NRXN2: variants seen among roughly 807,000 people sequenced by gnomAD.
The protein encoded by NRXN2 is neurexin 2.
NRXN2 carries 29 observed loss-of-function variants against 128.8 expected under a neutral mutation model. The ratio of observed to expected loss-of-function variants is 0.23; its 90% CI spans 0.17 to 0.31. NRXN2 has a LOEUF of 0.31. NRXN2 is among the 10% of genes least tolerant of loss of function. The pLI, the probability that NRXN2 is intolerant of heterozygous loss-of-function variation, is 1.00. For synonymous variants in NRXN2, 1,098 were observed against 1,075.2 expected (o/e 1.02, Z -0.41); for missense variants, 1,881 against 2,452.6 (o/e 0.77, Z 4.92).
intron 4 of NRXN2, 46 bp downstream of exon 4, chr11:64,692,801 G>T (rs1231093562): frequency 1.2e-6 from 2 of 1,612,570 alleles, no homozygotes; most frequent in African/African-American, 2.7e-5. Context: ...CCAGGCGCAG[G>T]TTGGGGGCAA....
At chr11:64,688,449 G>T in intron 5 of NRXN2, 1 of 985,480 alleles carries the variant, frequency 1.0e-6, no homozygotes, top group Non-Finnish European at 1.2e-6. Flanking sequence ...CTGAGTAGGG[G>T]AGGTCGGAGC....
chr11:64,653,461 T>C (rs2047777432), intron 12 of NRXN2, among the ~76,000 whole-genome samples: 1 of 152,062 alleles, frequency 6.6e-6, no homozygotes, highest in South Asian at 2.1e-4. Flanking sequence ...CCAGTGAACA[T>C]CCTGACTGCA....
At chr11:64,715,595 G>A (rs1276283688) in intron 1 of NRXN2, among the ~76,000 whole-genome samples, 1 of 152,146 alleles carries the variant, frequency 6.6e-6, no homozygotes, top group Non-Finnish European at 1.5e-5. Context: ...TCAGAAGGTA[G>A]TCGGGAGCGT....
Position 64,651,741 on chromosome 11 carries a change from A to G in NRXN2, c.2537-105T>C. 1 of 1,281,158 alleles carries G rather than the reference A, an allele frequency of 7.8e-7. No homozygotes were observed. Among genetic ancestry groups the G allele is most frequent in the Non-Finnish European group, 1.1e-6 (1 of 905,630 alleles). The allele number at this position is 1,281,158 out of a possible 1,614,324, so 79.4% of individuals were successfully genotyped here. ...CACAGGAGGGCCACCCATGAGTGAC[A>G]TCTTTAGAGATGTCCTCGGCTAGGC... On this transcript the variant is annotated intron_variant, in intron 13 of 22. Transcript: ENST00000265459. This position sits in a 1 kb window ranked among gnomAD's most constrained non-coding sequence, Gnocchi z 5.9.
At chr11:64,636,773 GAGCAGGCCTTGCC>G (rs1399475565) in intron 17 of NRXN2, among the ~76,000 whole-genome samples, 1 of 152,096 alleles carries the variant, frequency 6.6e-6, no homozygotes, top group Non-Finnish European at 1.5e-5. Context: ...CACTTCTAAG[GAGCAGGCCTTGCC>G]AGCAGCCAAG....
At chr11:64,704,617 CACACACAGAGAGAG>C (rs1455945584) in intron 2 of NRXN2, among the ~76,000 whole-genome samples, 1 of 110,418 alleles carries the variant, frequency 9.1e-6, no homozygotes, top group East Asian at 3.5e-4. Flanking sequence ...CACACACACA[CACACACAGAGAGAG>C]AGAGAGAGAG....
intron 22 of NRXN2, among the ~76,000 whole-genome samples, chr11:64,610,935 C>T (rs918180089): frequency 1.3e-5 from 2 of 152,218 alleles, no homozygotes; most frequent in Non-Finnish European, 2.9e-5. Flanking sequence ...GAACACCCTT[C>T]CCTGCTGACA....
At chr11:64,662,245 G>A (rs1350342856) in intron 9 of NRXN2, among the ~76,000 whole-genome samples, 1 of 151,496 alleles carries the variant, frequency 6.6e-6, no homozygotes, top group Non-Finnish European at 1.5e-5. Context: ...GAGACACAGC[G>A]AGACTCCATC....
At position 64,685,960 on chromosome 11, in the gene NRXN2, G is replaced by T. The variant is rs759305643; in HGVS notation, c.851-13C>A. ...AACTCCTCCTTGCCTGGATGCCGTG[G>T]TGTGGGGAAACGGGAGAAGGCTGAA... On this transcript the variant is annotated splice_polypyrimidine_tract_variant and intron_variant, in intron 5 of 22. Transcript: ENST00000265459. The T allele has an allele frequency of 1.2e-6, 2 of 1,614,168 alleles. No homozygotes were observed. The highest frequency in any genetic ancestry group is 1.7e-6 in the Non-Finnish European group (2 of 1,180,024).
chr11:64,647,206 G>A (rs1007625862), intron 17 of NRXN2, among the ~76,000 whole-genome samples: 38 of 129,970 alleles, frequency 2.9e-4, no homozygotes, highest in Middle Eastern at 3.6e-3. Context: ...GAGACGCTTC[G>A]TTGTGTGTGT....
intron 6 of NRXN2, among the ~76,000 whole-genome samples, chr11:64,685,181 C>CT (rs1171169492): frequency 6.6e-6 from 1 of 152,158 alleles, no homozygotes; most frequent in Non-Finnish European, 1.5e-5. Context: ...TCGTGCCTTG[C>CT]TGCCCTAGTG....
chr11:64,636,378 G>A (rs879670972), intron 17 of NRXN2, among the ~76,000 whole-genome samples: 12 of 145,692 alleles, frequency 8.2e-5, no homozygotes, highest in African/African-American at 1.0e-4. Context: ...TCCCTCCTGC[G>A]GCTGACTGAG....
chr11:64,616,058 C>T (rs766406099), intron 22 of NRXN2, among the ~76,000 whole-genome samples: 21 of 152,020 alleles, frequency 1.4e-4, no homozygotes, highest in Non-Finnish European at 2.8e-4. Context: ...TCTATAGGGG[C>T]GGGCTTGGTG....
chr11:64,653,869 GCCCT>G (rs1243013133), intron 11 of NRXN2, 147 bp from the exon 12 acceptor site: 2 of 629,456 alleles, frequency 3.2e-6, no homozygotes, highest in Non-Finnish European at 5.6e-6. Flanking sequence ...GTGCCCAGGT[GCCCT>G]CTTCCCTTCC....
chr11:64,622,880 C>T lies in NRXN2; in HGVS notation c.4046G>A (p.Ser1349Asn), dbSNP rs552728515. ...LVGEGPSVLL[S>N]AETTATTLLA... ...CAGGGTGGTGGCCGTGGTCTCCGCA[C>T]TGAGCAGCACGGACGGCCCCTCCCC... The change falls in exon 21 of 23, where the codon AGT (serine) becomes AAT (asparagine). Residue 1349 changes from serine (S) to asparagine (N), a missense_variant. By Grantham distance (46) the Ser-to-Asn change is conservative. Coordinates refer to ENST00000265459, the MANE Select transcript of NRXN2 (RefSeq NM_015080.4). The surrounding 1 kb of genome is among the most constrained non-coding windows in gnomAD (Gnocchi z 4.3). The T allele has an allele frequency of 6.2e-7, 1 of 1,613,036 alleles. No homozygotes were observed. The highest frequency in any genetic ancestry group is 1.3e-5 in the African/African-American group (1 of 75,064).
intron 22 of NRXN2, among the ~76,000 whole-genome samples, chr11:64,616,361 T>C (rs1009446268): frequency 1.3e-5 from 2 of 152,206 alleles, no homozygotes. Flanking sequence ...TGGGCACACA[T>C]GTGCACTGTG....
At chr11:64,717,062 A>G (rs917939046) in intron 1 of NRXN2, among the ~76,000 whole-genome samples, 3 of 151,992 alleles carry the variant, frequency 2.0e-5, no homozygotes, top group African/African-American at 7.3e-5. Context: ...CCTGGAACTT[A>G]GCAGCAACCC....
chr11:64,668,254 A>C lies in NRXN2; in HGVS notation c.1359+189T>G, dbSNP rs2050158378. 2.0e-5 allele frequency among the ~76,000 whole-genome samples: 3 copies of C among 152,220 alleles called. No homozygotes were observed. The South Asian group carries it at 6.2e-4, about 32-fold the overall frequency. ...TGAGGATAGGGGTTTCCAAGGCTCAAGGAAATCAAAGGGGAGAAGCCTCTT... is the reference window on the plus strand; with the variant it reads ...TGAGGATAGGGGTTTCCAAGGCTCACGGAAATCAAAGGGGAGAAGCCTCTT... On this transcript the variant is annotated intron_variant, in intron 8 of 22. Transcript: ENST00000265459.
In NRXN2 at chr11:64,713,016, G is replaced by A; in HGVS notation, c.684C>T (p.Gly228=). 6.7e-7 allele frequency: 1 copy of A among 1,482,682 alleles called. No individual in the cohort carries two copies. Among genetic ancestry groups the A allele is most frequent in the Non-Finnish European group, 8.9e-7 (1 of 1,120,432 alleles). The allele number at this position is 1,482,682 out of a possible 1,614,324, so 91.8% of individuals were successfully genotyped here. The change falls in exon 2 of 23, where the codon GGC becomes GGT. Residue 228 remains glycine, a synonymous_variant. Transcript: ENST00000265459. ...LCTVLAPGEV[G]CDCSHTGFGG... ...CGAAGCCCGTGTGGCTGCAGTCGCA[G>A]CCCACCTCGCCGGGGGCCAGCACGG...
Sources: allele counts gnomAD v4.1 joint callset (sites outside exome capture counted in the v4.1 genomes callset), GRCh38; gene constraint gnomAD v4.1.1; non-coding constraint Gnocchi (gnomAD v3.1); transcripts MANE v1.5; gene names NCBI Gene and HGNC (gene_info 2026-07-23, HGNC 2026-07-21).